TFAP2A: variants seen among roughly 807,000 people sequenced by gnomAD.
TFAP2A encodes transcription factor AP-2-alpha.
Under a neutral mutation model 41.5 loss-of-function variants are expected in TFAP2A, and 7 were observed. That is an observed-to-expected ratio of 0.17 (90% CI 0.10 to 0.32). TFAP2A has a LOEUF of 0.32. TFAP2A is among the 10% of genes least tolerant of loss of function. The pLI is 1.00. For synonymous variants in TFAP2A, 247 were observed against 242.8 expected, an observed-to-expected ratio of 1.02 and a Z score of -0.16; for missense variants, 416 against 563.3, an observed-to-expected ratio of 0.74 and a Z score of 2.65.
upstream of TFAP2A, chr6:10,419,608 A>G (rs1035371417): frequency 5.4e-4 from 472 of 877,832 alleles, 4 homozygotes; most frequent in Non-Finnish European, 1.1e-4. Flanking sequence ...CTGCCGACGC[A>G]TGCGCGCTGG....
upstream of TFAP2A, chr6:10,419,273 A>T: frequency 1.1e-6 from 1 of 921,564 alleles, no homozygotes; most frequent in Non-Finnish European, 1.7e-6. Flanking sequence ...GTCTCCTGGG[A>T]GCTCTCCTGG....
intron 1 of TFAP2A, chr6:10,412,371 C>A (rs1758015664): frequency 1.2e-5 from 10 of 839,098 alleles, no homozygotes; most frequent in Non-Finnish European, 1.1e-5. Context: ...TGTCTGCGTG[C>A]GTGTGTGAGA....
chr6:10,412,552 G>A (rs1232067205), intron 1 of TFAP2A: 5 of 164,338 alleles, frequency 3.0e-5, no homozygotes, highest in Non-Finnish European at 6.6e-5. Context: ...GGAGGGGGAA[G>A]GGGAGAGGAA....
intron 5 of TFAP2A, 132 bp downstream of exon 5, chr6:10,402,360 C>G: frequency 1.3e-6 from 1 of 783,146 alleles, no homozygotes; most frequent in Non-Finnish European, 2.3e-6. Context: ...TAATTCCATT[C>G]ACATCTGGCT....
At chr6:10,404,054 C>T (rs1757550618) in intron 4 of TFAP2A, among the ~76,000 whole-genome samples, 1 of 152,214 alleles carries the variant, frequency 6.6e-6, no homozygotes, top group Non-Finnish European at 1.5e-5. Context: ...GACCGGTTAC[C>T]CTCGGAGACC....
chr6:10,408,684 C>A (rs1217512912), intron 2 of TFAP2A, among the ~76,000 whole-genome samples: 2 of 152,216 alleles, frequency 1.3e-5, no homozygotes, highest in African/African-American at 4.8e-5. Context: ...TGCCCACTTT[C>A]CTGCCTTCCA....
At position 10,404,669 on chromosome 6, in the gene TFAP2A, G is replaced by A. The variant is rs772033707; in HGVS notation, c.609C>T (p.Phe203=). Residue 203 remains phenylalanine, a synonymous_variant, in exon 4 of 7, where the codon TTC becomes TTT. Coordinates refer to ENST00000379613, the MANE Select transcript of TFAP2A (RefSeq NM_001372066.1). ...CTTCGTTGGGGTTCACCACGCCGCC[G>A]AAGAGGTTGTCCTTGTTAATAGGGA... The part of the protein sequence containing the change: ...SAIPINKDNL[F]GGVVNPNEVF... 1.2e-6 allele frequency: 2 copies of A among 1,614,222 alleles called. No homozygotes were observed. Among genetic ancestry groups the A allele is most frequent in the East Asian group, 2.2e-5 (1 of 44,872 alleles).
At chr6:10,409,878 G>T in intron 2 of TFAP2A, 23 bp downstream of exon 2, 1 of 1,547,690 alleles carries the variant, frequency 6.5e-7, no homozygotes. Context: ...GTTCCCTCCC[G>T]CGCTGGTTGC....
In TFAP2A at chr6:10,398,637, T is replaced by C. The variant is rs776521790; in HGVS notation, c.1100A>G (p.Asn367Ser). 3 of 1,614,046 alleles carry C rather than the reference T, an allele frequency of 1.9e-6. No individual in the cohort carries two copies. In the South Asian group the frequency reaches 3.3e-5, roughly 18 times the overall value. Reference sequence around the variant, plus strand: ...CTGGATGCCGGGCTCCAGGATGGGGTTGGGCCGTGAGTTCCCCAGGGGAGA... The same window carrying C: ...CTGGATGCCGGGCTCCAGGATGGGGCTGGGCCGTGAGTTCCCCAGGGGAGA... ...DRSPLGNSRPNPILEPGIQSC... is the reference protein window; with the variant it reads ...DRSPLGNSRPSPILEPGIQSC... Residue 367 changes from asparagine (N) to serine (S), a missense_variant, in exon 7 of 7, where the codon AAC (asparagine) becomes AGC (serine). This residue lies in a region of TFAP2A where 116 missense variants were observed against 153.8 expected (regional missense o/e 0.75). Transcript: ENST00000379613. This position sits in a 1 kb window ranked among gnomAD's most constrained non-coding sequence, Gnocchi z 5.3.
At position 10,411,805 on chromosome 6, in the gene TFAP2A, T is replaced by C. The variant is rs1217286455; in HGVS notation, c.52-1470A>G. 2.1e-6 allele frequency: 3 copies of C among 1,439,318 alleles called. No individual in the cohort carries two copies. In the African/African-American group the frequency reaches 4.3e-5, roughly 21 times the overall value. The allele number at this position is 1,439,318 out of a possible 1,614,324, so 89.2% of individuals were successfully genotyped here. A position where few individuals can be genotyped will look rare whatever the true frequency, so the allele number is the denominator to read the frequency against. On this transcript the variant is annotated intron_variant, in intron 1 of 6. Coordinates refer to ENST00000379613, the MANE Select transcript of TFAP2A (RefSeq NM_001372066.1). The stretch of plus-strand genomic sequence containing the variant: ...TTGAACCACCGATTCGCGCGGCGCC[T>C]TCAGCTGGTCGAACCCACGGTCTCT...
intron 3 of TFAP2A, chr6:10,405,869 G>T (rs568365693): frequency 6.6e-6 from 1 of 152,180 alleles, no homozygotes; most frequent in Non-Finnish European, 1.5e-5. Flanking sequence ...GGAGTTAAAC[G>T]AACTCTTGAG....
chr6:10,399,630 G>T (rs1278687186), intron 6 of TFAP2A, among the ~76,000 whole-genome samples: 1 of 152,242 alleles, frequency 6.6e-6, no homozygotes, highest in Non-Finnish European at 1.5e-5. Context: ...AAGGCCAGCT[G>T]ATGTCCCCAG....
chr6:10,414,509 A>G (rs1045013686), intron 1 of TFAP2A: 1 of 314,474 alleles, frequency 3.2e-6, no homozygotes, highest in Non-Finnish European at 6.1e-6. Flanking sequence ...AAGAAGGAAT[A>G]TTAAAGATCG....
At chr6:10,405,639 G>A (rs1420711343) in intron 3 of TFAP2A, 2 of 151,900 alleles carry the variant, frequency 1.3e-5, no homozygotes, top group African/African-American at 4.8e-5. Flanking sequence ...ACGTTTCTCA[G>A]CACCAGTGTA....
At chr6:10,413,436 G>A (rs1232904759) in intron 1 of TFAP2A, among the ~76,000 whole-genome samples, 3 of 152,354 alleles carry the variant, frequency 2.0e-5, no homozygotes, top group Non-Finnish European at 2.9e-5. Context: ...CACACCTGGA[G>A]CTGGGTTTCG....
At chr6:10,401,876 C>T (rs1762020506) in intron 5 of TFAP2A, 2 of 169,894 alleles carry the variant, frequency 1.2e-5, no homozygotes, top group African/African-American at 4.8e-5. Flanking sequence ...TGTTTTGAGG[C>T]ATTTGGAAGG....
Position 10,398,934 on chromosome 6 carries a change from T to G in TFAP2A, c.1032-229A>C, listed in dbSNP as rs1264919915. On this transcript the variant is annotated intron_variant, in intron 6 of 6. Coordinates refer to ENST00000379613, the MANE Select transcript of TFAP2A (RefSeq NM_001372066.1). This position sits in a 1 kb window ranked among gnomAD's most constrained non-coding sequence, Gnocchi z 5.3. ...TACTTCCTACCTTCACAAATGACTC[T>G]CTCTCTCTTTCCTCTCAGATATGGT... Among the ~76,000 whole-genome samples the G allele has an allele frequency of 6.6e-6, 1 of 152,150 alleles. No individual in the cohort carries two copies. The highest frequency in any genetic ancestry group is 1.5e-5 in the Non-Finnish European group (1 of 68,010).
chr6:10,411,510 A>G, intron 1 of TFAP2A: 3 of 1,610,252 alleles, frequency 1.9e-6, no homozygotes, highest in Non-Finnish European at 2.5e-6. Context: ...GCTCCACGGC[A>G]CCAGGTTTCC....
chr6:10,401,426 C>T (rs148048619), intron 5 of TFAP2A, among the ~76,000 whole-genome samples: 33 of 152,312 alleles, frequency 2.2e-4, no homozygotes, highest in Middle Eastern at 3.4e-3. Context: ...GTTTCTGGCA[C>T]TGAACAATTG....
Sources: allele counts gnomAD v4.1 joint callset (sites outside exome capture counted in the v4.1 genomes callset), GRCh38; gene constraint gnomAD v4.1.1; regional missense constraint gnomAD v4.1.1; non-coding constraint Gnocchi (gnomAD v3.1); transcripts MANE v1.5; gene names NCBI Gene and HGNC (gene_info 2026-07-23, HGNC 2026-07-21).